Variants in ZNF423 observed in about 807,000 individuals in gnomAD.
The protein encoded by ZNF423 is Ebf-associated zinc finger protein.
In ZNF423, 12 loss-of-function variants were observed where a neutral mutation model predicts 95.8. The observed-to-expected ratio is 0.13, with a 90% CI of 0.08 to 0.20. The LOEUF is 0.20. Among genes scored for constraint, ZNF423 ranks in the 10% least tolerant of loss-of-function variants. ZNF423 has a pLI of 1.00. For synonymous variants in ZNF423, 749 were observed against 711.9 expected (o/e 1.05, Z -0.83); for missense variants, 1,316 against 1,737.1 (o/e 0.76, Z 4.31).
upstream of ZNF423, among the ~76,000 whole-genome samples, chr16:49,858,722 C>CT (rs1371568104): frequency 4.8e-3 from 685 of 141,714 alleles, 14 homozygotes; most frequent in African/African-American, 0.017. The surrounding 1 kb of genome is among the most constrained non-coding windows in gnomAD (Gnocchi z 4.3). Context: ...TAGGAGCCCC[C>CT]CCCCCCACGC....
chr16:49,624,234 C>A (rs921849562), intron 5 of ZNF423, among the ~76,000 whole-genome samples: 3 of 151,910 alleles, frequency 2.0e-5, no homozygotes, highest in African/African-American at 7.3e-5. Context: ...ACAATAAAAT[C>A]ACATACATAT....
intron 2 of ZNF423, among the ~76,000 whole-genome samples, chr16:49,745,351 TA>T (rs1395608934): frequency 1.3e-5 from 2 of 152,334 alleles, no homozygotes; most frequent in Admixed American, 6.5e-5. Context: ...CTCTGGGAAG[TA>T]ATTACAGAAA....
chr16:49,676,274 A>G (rs549823500), intron 3 of ZNF423, among the ~76,000 whole-genome samples: 6 of 152,278 alleles, frequency 3.9e-5, no homozygotes, highest in African/African-American at 1.4e-4. Flanking sequence ...ACTGAGATAC[A>G]CACACACGCA....
At chr16:49,853,836 G>A (rs1476332125) in intron 1 of ZNF423, 8 of 985,216 alleles carry the variant, frequency 8.1e-6, no homozygotes, top group African/African-American at 3.5e-5. Context: ...TCTGGGTCTC[G>A]CCGTCTAACG....
rs141509154 is a variant in ZNF423, at chr16:49,601,329, C to T, written c.3601+24841G>A. Among the ~76,000 whole-genome samples, 591 of 152,258 alleles carry T rather than the reference C, an allele frequency of 3.9e-3. 3 individuals are homozygous for T. The highest frequency in any genetic ancestry group is 0.013 in the African/African-American group (540 of 41,562). ...CTGTATTCCTCAATTTCCCCATCTA[C>T]AAATGGAGAGAATAGGGGTATCCCT... On this transcript the variant is annotated intron_variant, in intron 5 of 7. Transcript: ENST00000563137.
Position 49,592,772 on chromosome 16 carries a change from C to T in ZNF423, c.3601+33398G>A, listed in dbSNP as rs374519131. On this transcript the variant is annotated intron_variant, in intron 5 of 7. Transcript: ENST00000563137. Reference sequence around the variant, plus strand: ...ATGCCCCCACCTCTGCCAGAACCGGCGGACCTGAGGGCTATCCCCTCGCCT... The same window carrying T: ...ATGCCCCCACCTCTGCCAGAACCGGTGGACCTGAGGGCTATCCCCTCGCCT... 1.3e-4 allele frequency among the ~76,000 whole-genome samples: 20 copies of T among 152,360 alleles called. 1 individual carries two copies. In the South Asian group the frequency reaches 3.1e-3, roughly 24 times the overall value.
intron 2 of ZNF423, among the ~76,000 whole-genome samples, chr16:49,781,862 G>A (rs1479491551): frequency 6.6e-6 from 1 of 152,192 alleles, no homozygotes; most frequent in East Asian, 1.9e-4. Flanking sequence ...GGAGGTCCCA[G>A]GACACCAGCT....
chr16:49,703,631 G>C (rs747373151), intron 3 of ZNF423, among the ~76,000 whole-genome samples: 17 of 152,244 alleles, frequency 1.1e-4, no homozygotes, highest in Non-Finnish European at 2.2e-4. Flanking sequence ...TAGGGACAAA[G>C]GCTCCAGAGA....
intron 4 of ZNF423, among the ~76,000 whole-genome samples, chr16:49,627,018 C>A (rs1972307565): frequency 1.3e-5 from 1 of 77,016 alleles, no homozygotes. Context: ...TCCATATACC[C>A]ATCCATCCAT....
chr16:49,854,887 C>A (rs1196020402), intron 1 of ZNF423: 1 of 985,202 alleles, frequency 1.0e-6, no homozygotes, highest in East Asian at 1.1e-4. Flanking sequence ...GGGGAGCCAG[C>A]ACAGAAAGCC....
chr16:49,780,014 G>A (rs2034184249), intron 2 of ZNF423, among the ~76,000 whole-genome samples: 2 of 152,174 alleles, frequency 1.3e-5, no homozygotes, highest in African/African-American at 4.8e-5. Context: ...CCTGCCATCA[G>A]GGAAGCCCCA....
rs1240830885 is a variant in ZNF423, at chr16:49,853,943, A to G, written c.40+1792T>C. 5 of 985,360 alleles carry G rather than the reference A, an allele frequency of 5.1e-6. No homozygotes were observed. In the African/African-American group the frequency reaches 8.7e-5, roughly 17 times the overall value. 61.0% of individuals were successfully genotyped at this position (985,360 alleles called of 1,614,324 possible). On this transcript the variant is annotated intron_variant, in intron 1 of 7. Coordinates refer to ENST00000563137, the MANE Select transcript of ZNF423 (RefSeq NM_001379286.1). The stretch of plus-strand genomic sequence containing the variant: ...GTTAAATAAAACTGTTTTTCCAACC[A>G]GAAATTCCAATTCCACATTTTCTTC...
At chr16:49,784,809 G>A (rs1022913841) in intron 2 of ZNF423, among the ~76,000 whole-genome samples, 4 of 152,116 alleles carry the variant, frequency 2.6e-5, no homozygotes, top group African/African-American at 7.2e-5. Context: ...AATTAGTCAG[G>A]TGTGGTGGCA....
chr16:49,728,423 G>A (rs1157697816), intron 3 of ZNF423, among the ~76,000 whole-genome samples: 2 of 152,176 alleles, frequency 1.3e-5, no homozygotes, highest in Non-Finnish European at 2.9e-5. Context: ...TCCAGGATTT[G>A]GGGGTATTCC....
rs199611822 is a variant in ZNF423, at chr16:49,635,626, G to A, written c.3516+34C>T. The A allele has an allele frequency of 7.3e-6, 11 of 1,516,934 alleles. No homozygotes were observed. The highest frequency in any genetic ancestry group is 8.8e-6 in the Non-Finnish European group (10 of 1,135,072). The allele number at this position is 1,516,934 out of a possible 1,614,324, so 94.0% of individuals were successfully genotyped here. ...GGGACCAGAGGAGCCCCAAGGAGAG[G>A]AGCAGGGAGCAGGATGAGGTGGACT... On this transcript the variant is annotated intron_variant, in intron 4 of 7. Transcript: ENST00000563137. This position sits in a 1 kb window ranked among gnomAD's most constrained non-coding sequence, Gnocchi z 4.8.
At chr16:49,640,167 ACAGACGTAACC>A (rs1377405188) in intron 3 of ZNF423, among the ~76,000 whole-genome samples, 1 of 152,140 alleles carries the variant, frequency 6.6e-6, no homozygotes, top group African/African-American at 2.4e-5. Context: ...GAAGAGCCTC[ACAGACGTAACC>A]CAGACGTAAC....
At chr16:49,717,516 G>A (rs575628703) in intron 3 of ZNF423, among the ~76,000 whole-genome samples, 1 of 152,220 alleles carries the variant, frequency 6.6e-6, no homozygotes, top group East Asian at 1.9e-4. Flanking sequence ...CTGCTATTCA[G>A]AGCACTTGAC....
At chr16:49,796,013 A>G (rs989559778) in intron 1 of ZNF423, among the ~76,000 whole-genome samples, 2 of 152,022 alleles carry the variant, frequency 1.3e-5, no homozygotes, top group Non-Finnish European at 2.9e-5. Context: ...ACTATTAACC[A>G]TGGTTCCTGG....
At chr16:49,510,405 C>G (rs1382425588) in intron 7 of ZNF423, among the ~76,000 whole-genome samples, 1 of 152,188 alleles carries the variant, frequency 6.6e-6, no homozygotes, top group Non-Finnish European at 1.5e-5. Context: ...AGGCCCAGGA[C>G]ACAGGCCTGA....
Sources: allele counts gnomAD v4.1 joint callset (sites outside exome capture counted in the v4.1 genomes callset), GRCh38; gene constraint gnomAD v4.1.1; non-coding constraint Gnocchi (gnomAD v3.1); transcripts MANE v1.5; gene names NCBI Gene and HGNC (gene_info 2026-07-23, HGNC 2026-07-21).